PTPRT: variants seen among roughly 807,000 people sequenced by gnomAD.
The protein encoded by PTPRT is protein tyrosine phosphatase receptor type T.
PTPRT carries 56 observed loss-of-function variants against 176.8 expected under a neutral mutation model. The observed-to-expected ratio is 0.32, with a 90% CI of 0.26 to 0.40. PTPRT has a LOEUF of 0.40. Ranked by LOEUF, PTPRT falls within the 10% of genes least tolerant of loss-of-function variation. PTPRT has a pLI of 1.00. For missense variants in PTPRT, 1,540 were observed against 1,908.2 expected (o/e 0.81, Z 3.60); for synonymous variants, 783 against 739.0 (o/e 1.06, Z -0.96).
chr20:42,761,922 A>G (rs187734415), intron 5 of PTPRT, among the ~76,000 whole-genome samples: 5 of 152,350 alleles, frequency 3.3e-5, no homozygotes, highest in Admixed American at 3.3e-4. Context: ...TAAACAGTAC[A>G]CAGCTACACT....
chr20:42,300,765 T>C (rs1600803514), intron 12 of PTPRT, among the ~76,000 whole-genome samples: 1 of 148,910 alleles, frequency 6.7e-6, no homozygotes, highest in East Asian at 1.9e-4. Context: ...TGTATTATTA[T>C]TATTATTATT....
rs1471692916 is a variant in PTPRT at position 42,944,059 on chromosome 20, C to T, written c.89-58127G>A. On this transcript the variant is annotated intron_variant, in intron 1 of 30. Coordinates refer to ENST00000373187, the MANE Select transcript of PTPRT (RefSeq NM_007050.6). Reference sequence around the variant, plus strand: ...ATAAATAAATAAACAAACAAACAAACAAACCTCCTTGAAATTAAGCCCCCA... The same window carrying T: ...ATAAATAAATAAACAAACAAACAAATAAACCTCCTTGAAATTAAGCCCCCA... Among the ~76,000 whole-genome samples, 3 of 152,062 alleles carry T rather than the reference C, an allele frequency of 2.0e-5. No homozygotes were observed. In the East Asian group the frequency reaches 5.8e-4, roughly 29 times the overall value.
chr20:42,256,208 A>G (rs966832490), intron 13 of PTPRT, among the ~76,000 whole-genome samples: 3 of 152,228 alleles, frequency 2.0e-5, no homozygotes, highest in Non-Finnish European at 4.4e-5. Context: ...TTCTCAAGTC[A>G]GGTAAGCACC....
chr20:42,197,959 G>C (rs996879398), intron 16 of PTPRT, among the ~76,000 whole-genome samples: 5 of 152,134 alleles, frequency 3.3e-5, no homozygotes, highest in African/African-American at 1.2e-4. Context: ...TTCTAAATCT[G>C]GGTGCCTATG....
At chr20:42,986,930 G>A (rs1370235068) in intron 1 of PTPRT, among the ~76,000 whole-genome samples, 1 of 152,138 alleles carries the variant, frequency 6.6e-6, no homozygotes, top group African/African-American at 2.4e-5. Flanking sequence ...ATCCTTTGCA[G>A]TTGCTGTCTT....
intron 1 of PTPRT, among the ~76,000 whole-genome samples, chr20:43,166,478 G>A (rs190793243): frequency 3.6e-4 from 55 of 152,200 alleles, no homozygotes; most frequent in African/African-American, 1.2e-3. Context: ...TTGGAGACAC[G>A]ATGTCTTAGG....
chr20:42,488,985 AAAAT>A (rs2071511527), intron 7 of PTPRT, among the ~76,000 whole-genome samples: 4 of 149,464 alleles, frequency 2.7e-5, no homozygotes, highest in African/African-American at 4.9e-5. Flanking sequence ...AGAAATATGA[AAAAT>A]AAATAAAATC....
At chr20:43,040,238 G>GAAGAT in intron 1 of PTPRT, among the ~76,000 whole-genome samples, 1 of 152,282 alleles carries the variant, frequency 6.6e-6, no homozygotes, top group East Asian at 1.9e-4. Context: ...TATGCAGTAA[G>GAAGAT]AAGATAAAAA....
chr20:42,688,244 C>G (rs561699315), intron 6 of PTPRT: 17 of 152,314 alleles, frequency 1.1e-4, no homozygotes, highest in African/African-American at 4.1e-4. Context: ...CGCTCCAGGC[C>G]TTCATCTTTT....
chr20:42,482,455 G>GACAGAGTC (rs2071403663), intron 7 of PTPRT, among the ~76,000 whole-genome samples: 1 of 152,200 alleles, frequency 6.6e-6, no homozygotes, highest in South Asian at 2.1e-4. Context: ...TAAAGCACTG[G>GACAGAGTC]ACAGAGTCAT....
chr20:42,632,474 C>T lies in PTPRT; in HGVS notation c.1153+45392G>A, dbSNP rs146136034. Among the ~76,000 whole-genome samples the T allele has an allele frequency of 8.7e-3, 1,324 of 152,084 alleles. 28 individuals are homozygous for T. Among genetic ancestry groups the T allele is most frequent in the African/African-American group, 0.031 (1,276 of 41,506 alleles). The stretch of plus-strand genomic sequence containing the variant: ...TCCTGACTTTGTGATCCACTCACCT[C>T]GACCTCCCAAAGTGCTGGGGTTACA... On this transcript the variant is annotated intron_variant, in intron 7 of 30. Transcript: ENST00000373187.
At chr20:42,277,990 A>G (rs565319623) in intron 13 of PTPRT, among the ~76,000 whole-genome samples, 2 of 148,760 alleles carry the variant, frequency 1.3e-5, no homozygotes, top group South Asian at 4.4e-4. Flanking sequence ...GGAATAATAA[A>G]ACAGTGCTCA....
chr20:42,622,055 A>G (rs553626850), intron 7 of PTPRT, among the ~76,000 whole-genome samples: 19 of 152,296 alleles, frequency 1.2e-4, no homozygotes, highest in African/African-American at 4.6e-4. Context: ...CGTTCTGCAC[A>G]CCTACATCCT....
intron 1 of PTPRT, among the ~76,000 whole-genome samples, chr20:43,152,921 T>G (rs1004219220): frequency 2.0e-5 from 3 of 152,122 alleles, no homozygotes; most frequent in Non-Finnish European, 4.4e-5. Flanking sequence ...ACTTAAATAC[T>G]TCCCAATTTT....
At chr20:42,050,268 G>A in the PTPRT span, among the ~76,000 whole-genome samples, 1 of 152,072 alleles carries the variant, frequency 6.6e-6, no homozygotes. Flanking sequence ...GCTTGTCTGA[G>A]GCGTTTGGTC....
chr20:42,218,934 C>A (rs1357363653), intron 15 of PTPRT, among the ~76,000 whole-genome samples: 1 of 152,206 alleles, frequency 6.6e-6, no homozygotes, highest in African/African-American at 2.4e-5. Flanking sequence ...CAACAGACAG[C>A]CGGTGGGCTG....
intron 1 of PTPRT, among the ~76,000 whole-genome samples, chr20:42,990,587 T>C (rs1210832657): frequency 6.6e-6 from 1 of 152,072 alleles, no homozygotes; most frequent in Admixed American, 6.5e-5. Context: ...ACTGACACTC[T>C]CACCAAAAAA....
At chr20:42,975,842 T>C (rs769775958) in intron 1 of PTPRT, among the ~76,000 whole-genome samples, 1 of 152,040 alleles carries the variant, frequency 6.6e-6, no homozygotes, top group Admixed American at 6.5e-5. Flanking sequence ...CTGCATGTTC[T>C]GCACATGTAT....
intron 5 of PTPRT, among the ~76,000 whole-genome samples, chr20:42,763,335 T>C (rs1166033915): frequency 6.6e-6 from 1 of 152,214 alleles, no homozygotes; most frequent in East Asian, 1.9e-4. Flanking sequence ...AACAGTACTG[T>C]CTTTAATAAA....
Sources: gnomAD v4.1 joint callset for allele counts (sites outside exome capture counted in the v4.1 genomes callset) on GRCh38, gnomAD v4.1.1 for gene constraint, MANE v1.5 for transcripts, NCBI Gene and HGNC (gene_info 2026-07-23, HGNC 2026-07-21) for gene names.